DSG4: variants seen among roughly 807,000 people sequenced by gnomAD.
The protein encoded by DSG4 is desmoglein-4.
Under a neutral mutation model 93.1 loss-of-function variants are expected in DSG4, and 87 were observed. The observed-to-expected ratio is 0.93, with a 90% confidence interval of 0.79 to 1.12. The LOEUF (loss-of-function observed/expected upper bound fraction) is 1.12. Among genes scored for constraint, DSG4 ranks in the 50% most tolerant of loss-of-function variants. DSG4 has a pLI of 0.00. For synonymous variants in DSG4, 432 were observed against 452.9 expected (o/e 0.95, Z 0.59); for missense variants, 1,373 against 1,285.7 (o/e 1.07, Z -1.04).
rs147049549 is a variant in DSG4 at position 31,409,775 on chromosome 18, G to A, written c.2104G>A (p.Ala702Thr). The A allele has an allele frequency of 1.4e-5, 23 of 1,614,146 alleles. No homozygotes were observed. The East Asian group carries it at 4.7e-4, about 33-fold the overall frequency. The change falls in exon 14 of 16, where the codon GCC (alanine) becomes ACC (threonine). Residue 702 changes from alanine (A) to threonine (T), a missense_variant. Transcript: ENST00000308128. ...DVSNICAPMT[A>T]SNTQDRMDSS... ...GTCAAATATATGTGCACCCATGACA[G>A]CCTCAAATACCCAGGATCGGATGGA...
At chr18:31,385,753 A>AG (rs1199009208) in intron 2 of DSG4, among the ~76,000 whole-genome samples, 24 of 152,252 alleles carry the variant, frequency 1.6e-4, no homozygotes, top group South Asian at 4.1e-4. Context: ...GGTACATTTC[A>AG]GTAAGTCGTA....
At chr18:31,388,795 C>G (rs2072216967) in intron 4 of DSG4, 79 bp from the exon 5 acceptor site, 1 of 1,605,112 alleles carries the variant, frequency 6.2e-7, no homozygotes, top group Non-Finnish European at 8.5e-7. Flanking sequence ...GTTTCTTTGC[C>G]TATTTTCTGA....
At chr18:31,412,350 A>G (rs528909142) in intron 15 of DSG4, among the ~76,000 whole-genome samples, 5 of 152,296 alleles carry the variant, frequency 3.3e-5, no homozygotes, top group Non-Finnish European at 7.4e-5. Flanking sequence ...GAGTAGAATG[A>G]TGGTTACTAG....
intron 4 of DSG4, 94 bp from the exon 5 acceptor site, chr18:31,388,780 A>G: frequency 6.3e-7 from 1 of 1,587,646 alleles, no homozygotes; most frequent in Non-Finnish European, 8.6e-7. Context: ...TCACTGGAAA[A>G]AATTGTTTCT....
chr18:31,390,935 C>T (rs1480179618), intron 6 of DSG4, 113 bp downstream of exon 6: 2 of 1,493,488 alleles, frequency 1.3e-6, no homozygotes, highest in African/African-American at 1.4e-5. Context: ...AAAAATAATC[C>T]ATTTTTAATA....
At chr18:31,384,827 A>G (rs1174503958) in intron 1 of DSG4, among the ~76,000 whole-genome samples, 2 of 152,104 alleles carry the variant, frequency 1.3e-5, no homozygotes, top group African/African-American at 4.8e-5. Context: ...GCCCTTTCAA[A>G]TCCCTACTCT....
chr18:31,385,193 T>C, intron 2 of DSG4, 22 bp downstream of exon 2: 1 of 1,535,180 alleles, frequency 6.5e-7, no homozygotes, highest in Middle Eastern at 1.8e-4. Flanking sequence ...TAAAATTATT[T>C]TCTCAATTTA....
In DSG4 at chr18:31,390,989, TA is replaced by T; in HGVS notation, c.685-85del. On this transcript the variant is annotated intron_variant, in intron 6 of 15. Transcript: ENST00000308128. ...ATATAAATTTCATTGGATATGTAAATAAAAGAGTAGAGAAATAATGGCATTG... is the reference window on the plus strand; with the variant it reads ...ATATAAATTTCATTGGATATGTAAATAAAGAGTAGAGAAATAATGGCATTG... 4.5e-6 allele frequency: 7 copies of T among 1,559,074 alleles called. No homozygotes were observed. In the East Asian group the frequency reaches 1.6e-4, roughly 37 times the overall value.
chr18:31,413,355 T>G lies in DSG4; in HGVS notation c.2883T>G (p.Asn961Lys). The change falls in exon 16 of 16, where the codon AAT (asparagine) becomes AAG (lysine). Residue 961 changes from asparagine to lysine, a missense_variant. By Grantham distance (94) the Asn-to-Lys change is moderately conservative. Coordinates refer to ENST00000308128, the MANE Select transcript of DSG4 (RefSeq NM_177986.5). ...CTGCTGAGTTAGCAGATTACAACAA[T>G]GTAATCTATGCTGAGAGAGTACTGG... Reference protein sequence around the residue: ...CVPAELADYNNVIYAERVLAS... With the variant: ...CVPAELADYNKVIYAERVLAS... 1 of 1,614,178 alleles carries G rather than the reference T, an allele frequency of 6.2e-7. No individual in the cohort carries two copies. Among genetic ancestry groups the G allele is most frequent in the East Asian group, 2.2e-5 (1 of 44,880 alleles).
Position 31,413,043 on chromosome 18 carries a change from A to T in DSG4, c.2571A>T (p.Ser857=), listed in dbSNP as rs1440738594. ...CLNTEIEPFP[S]HQACIPISTD... ...ACACAGAAATTGAACCATTTCCTTC[A>T]CACCAGGCTTGTATACCAATCAGTA... is the stretch of plus-strand genomic sequence containing the variant. Residue 857 remains serine, a synonymous_variant, in exon 16 of 16, where the codon TCA becomes TCT. Coordinates refer to ENST00000308128, the MANE Select transcript of DSG4 (RefSeq NM_177986.5). The T allele has an allele frequency of 6.2e-7, 1 of 1,614,152 alleles. No individual in the cohort carries two copies. The highest frequency in any genetic ancestry group is 8.5e-7 in the Non-Finnish European group (1 of 1,180,030).
At chr18:31,388,026 T>C (rs2072207121) in intron 3 of DSG4, among the ~76,000 whole-genome samples, 1 of 152,172 alleles carries the variant, frequency 6.6e-6, no homozygotes, top group Non-Finnish European at 1.5e-5. Flanking sequence ...TTTTAAAAAA[T>C]AGTAAATGTT....
intron 10 of DSG4, among the ~76,000 whole-genome samples, chr18:31,402,858 A>G (rs1210079611): frequency 6.6e-6 from 1 of 152,210 alleles, no homozygotes; most frequent in Non-Finnish European, 1.5e-5. Context: ...AATCTAATAG[A>G]CTTATATTTG....
chr18:31,397,081 A>T (rs1001668998), intron 8 of DSG4, among the ~76,000 whole-genome samples: 3 of 152,162 alleles, frequency 2.0e-5, no homozygotes, highest in African/African-American at 7.2e-5. Flanking sequence ...TTCATACTTA[A>T]TTCTAAAATG....
rs1568069773 is a variant in DSG4 at position 31,403,425 on chromosome 18, GA to G, written c.1432del (p.Thr478GlnfsTer58). On this transcript the variant is annotated frameshift_variant, in exon 11 of 16. Transcript: ENST00000308128. LOFTEE classifies it high-confidence loss of function. ...ACCCTTACTCTTTCAGATGGCTCTGGAAAAACAGCTACAGGAACCATATGTA... is the reference window on the plus strand; with the variant it reads ...ACCCTTACTCTTTCAGATGGCTCTGGAAAACAGCTACAGGAACCATATGTA... The part of the protein sequence containing the change: ...AEILAIDDGS[G>X]KTATGTICIE... The G allele has an allele frequency of 1.2e-6, 2 of 1,612,318 alleles. No individual in the cohort carries two copies. The highest frequency in any genetic ancestry group is 2.2e-5 in the South Asian group (2 of 90,788).
rs375832894 is a variant in DSG4, at chr18:31,413,510, T to C, written c.3038T>C (p.Ile1013Thr). ...CAAATGATGAGTCCAGACCTTCCCA[T>C]AGGCCAAACCGTTGGCTCCACATCC... ...VMQMMSPDLP[I>T]GQTVGSTSPM... The change falls in exon 16 of 16, where the codon ATA (isoleucine) becomes ACA (threonine). Residue 1013 changes from isoleucine to threonine, a missense_variant. Coordinates refer to ENST00000308128, the MANE Select transcript of DSG4 (RefSeq NM_177986.5). The C allele has an allele frequency of 2.8e-5, 45 of 1,613,890 alleles. No homozygotes were observed. The highest frequency in any genetic ancestry group is 2.3e-4 in the Admixed American group (14 of 59,976).
Position 31,409,585 on chromosome 18 carries a change from G to A in DSG4, c.2067G>A (p.Glu689=). 6.2e-7 allele frequency: 1 copy of A among 1,614,198 alleles called. No individual in the cohort carries two copies. The highest frequency in any genetic ancestry group is 8.5e-7 in the Non-Finnish European group (1 of 1,180,048). The change falls in exon 13 of 16, where the codon GAG becomes GAA. Residue 689 remains glutamate, a synonymous_variant. Transcript: ENST00000308128. The stretch of plus-strand genomic sequence containing the variant: ...GGAGAATTGAAGGGGCCCATCCCGA[G>A]GACAGGGTAAGTGGACTGTCACTCT... ...QSWRIEGAHP[E]DRDVSNICAP...
At chr18:31,381,260 G>T (rs1415765732) in intron 1 of DSG4, among the ~76,000 whole-genome samples, 1 of 152,148 alleles carries the variant, frequency 6.6e-6, no homozygotes, top group East Asian at 1.9e-4. Flanking sequence ...ACGAGGTATT[G>T]GTTCTCTGAA....
In DSG4 at chr18:31,413,279, C is replaced by T. The variant is rs902868005; in HGVS notation, c.2807C>T (p.Thr936Ile). Reference protein sequence around the residue: ...DPQLAPNVVVTEAVMAPVYDI... With the variant: ...DPQLAPNVVVIEAVMAPVYDI... The stretch of plus-strand genomic sequence containing the variant: ...CAGCTTGCACCCAATGTTGTAGTAA[C>T]CGAAGCAGTAATGGCACCTGTCTAT... Residue 936 changes from threonine to isoleucine, a missense_variant, in exon 16 of 16, where the codon ACC becomes ATC. Transcript: ENST00000308128. 2.5e-6 allele frequency: 4 copies of T among 1,613,946 alleles called. No homozygotes were observed. The African/African-American group carries it at 4.0e-5, about 16-fold the overall frequency.
At chr18:31,409,071 A>T (rs2072456936) in intron 12 of DSG4, among the ~76,000 whole-genome samples, 1 of 152,194 alleles carries the variant, frequency 6.6e-6, no homozygotes, top group South Asian at 2.1e-4. Context: ...CCTATAGCTG[A>T]ATCCTGTATT....
Sources: allele counts gnomAD v4.1 joint callset (sites outside exome capture counted in the v4.1 genomes callset), GRCh38; gene constraint gnomAD v4.1.1; transcripts MANE v1.5; gene names NCBI Gene and HGNC (gene_info 2026-07-23, HGNC 2026-07-21).